The following DGKI variants were observed in gnomAD, a reference collection of about 807,000 sequenced individuals.
DGKI encodes the protein DAG kinase iota.
A neutral mutation model predicts 147.5 loss-of-function variants in DGKI; 55 were observed. That is an observed-to-expected ratio of 0.37 (90% CI 0.30 to 0.47). The LOEUF (loss-of-function observed/expected upper bound fraction) is 0.47, where lower values mean the gene tolerates loss of function less well. DGKI is among the 20% of genes least tolerant of loss of function. DGKI has a pLI of 1.00. For missense variants in DGKI, 1,007 were observed against 1,323.8 expected (o/e 0.76, Z 3.71); for synonymous variants, 469 against 477.1 (o/e 0.98, Z 0.22).
At chr7:137,480,772 G>A (rs1815344244) in intron 23 of DGKI, among the ~76,000 whole-genome samples, 1 of 152,106 alleles carries the variant, frequency 6.6e-6, no homozygotes, top group South Asian at 2.1e-4. Flanking sequence ...AACTACAGGT[G>A]AATCCTATGG....
chr7:137,589,652 T>A (rs2128984897), intron 12 of DGKI, among the ~76,000 whole-genome samples: 1 of 152,018 alleles, frequency 6.6e-6, no homozygotes, highest in African/African-American at 2.4e-5. Context: ...CAAGAAGGGG[T>A]CTTAAAGGCC....
intron 20 of DGKI, chr7:137,545,955 G>C (rs1380928384): frequency 2.8e-6 from 2 of 702,798 alleles, no homozygotes; most frequent in Admixed American, 2.0e-5. Context: ...GTTTGCACCT[G>C]ATGAATACTA....
chr7:137,730,488 C>T (rs1794844574), intron 1 of DGKI, among the ~76,000 whole-genome samples: 1 of 152,060 alleles, frequency 6.6e-6, no homozygotes, highest in Non-Finnish European at 1.5e-5. Context: ...ATTCCTGGAT[C>T]TTTGTAATGG....
Position 137,391,182 on chromosome 7 carries a change from A to T in DGKI, c.*38T>A. 6.7e-7 allele frequency: 1 copy of T among 1,493,684 alleles called. No individual in the cohort carries two copies. Among genetic ancestry groups the T allele is most frequent in the African/African-American group, 1.4e-5 (1 of 72,454 alleles). 92.5% of individuals were successfully genotyped at this position (1,493,684 alleles called of 1,614,324 possible). A position where few individuals can be genotyped will look rare whatever the true frequency, so the allele number is the denominator to read the frequency against. On this transcript the variant is annotated 3_prime_UTR_variant, in exon 33 of 33. Transcript: ENST00000614521. ...CCCAATTGCAGGGAGGGCAGATGTG[A>T]TACGCTTGCTCATGTCCTCTTTGCC... is the stretch of plus-strand genomic sequence containing the variant.
rs112529790 is a variant in DGKI, at chr7:137,759,696, T to C, written c.402-69694A>G. On this transcript the variant is annotated intron_variant, in intron 1 of 32. Transcript: ENST00000614521. Reference sequence around the variant, plus strand: ...AAGCAGCTATAGAAGTGGGTGGCAATAGAACAAGGGAAAAAGATTTCCAAG... The same window carrying C: ...AAGCAGCTATAGAAGTGGGTGGCAACAGAACAAGGGAAAAAGATTTCCAAG... Among the ~76,000 whole-genome samples the C allele has an allele frequency of 5.5e-3, 840 of 152,230 alleles. 21 individuals are homozygous for C. In the East Asian group the frequency reaches 0.066, roughly 12 times the overall value.
chr7:137,617,839 A>G (rs941250329), intron 8 of DGKI, among the ~76,000 whole-genome samples: 2 of 151,982 alleles, frequency 1.3e-5, no homozygotes, highest in Non-Finnish European at 2.9e-5. Context: ...GTGAATCTCA[A>G]AAGAAAAAGG....
At chr7:137,474,808 T>G (rs2128930855) in intron 23 of DGKI, among the ~76,000 whole-genome samples, 1 of 152,274 alleles carries the variant, frequency 6.6e-6, no homozygotes, top group East Asian at 1.9e-4. Flanking sequence ...GGCGGAAGGC[T>G]GATGGGAAGC....
rs574160557 is a variant in DGKI at position 137,834,975 on chromosome 7, A to T, written c.401+11487T>A. Among the ~76,000 whole-genome samples, 26 of 152,218 alleles carry T rather than the reference A, an allele frequency of 1.7e-4. No individual in the cohort carries two copies. In the South Asian group the frequency reaches 2.3e-3, roughly 13 times the overall value. On this transcript the variant is annotated intron_variant, in intron 1 of 32. Transcript: ENST00000614521. ...AGTATACGTCCTCCTCTGCACTCAG[A>T]TCCTTCTGATAAACTGAGCTCCATG...
intron 24 of DGKI, among the ~76,000 whole-genome samples, chr7:137,469,077 CG>C (rs1238875663): frequency 3.9e-5 from 6 of 152,090 alleles, no homozygotes; most frequent in African/African-American, 1.4e-4. Context: ...ATATATCATG[CG>C]GATCTGAGCA....
At position 137,493,533 on chromosome 7, in the gene DGKI, G is replaced by T. The variant is rs140968302; in HGVS notation, c.2249-5844C>A. Among the ~76,000 whole-genome samples, 163 of 152,256 alleles carry T rather than the reference G, an allele frequency of 1.1e-3. 1 individual carries two copies. The highest frequency in any genetic ancestry group is 3.7e-3 in the African/African-American group (152 of 41,534). On this transcript the variant is annotated intron_variant, in intron 21 of 32. Coordinates refer to ENST00000614521, the MANE Select transcript of DGKI (RefSeq NM_001321708.2). The stretch of plus-strand genomic sequence containing the variant: ...CCAAAATGAGCCCACCAGAGTTAAA[G>T]CACACAGCTCAGGAGTGTTGAGCTG...
intron 1 of DGKI, among the ~76,000 whole-genome samples, chr7:137,750,577 C>G (rs1028353781): frequency 6.6e-6 from 1 of 152,112 alleles, no homozygotes; most frequent in Non-Finnish European, 1.5e-5. Flanking sequence ...ACTCACCTTC[C>G]TCTCTCAAAA....
intron 30 of DGKI, 100 bp downstream of exon 30, chr7:137,407,775 C>A: frequency 6.8e-7 from 1 of 1,480,068 alleles, no homozygotes; most frequent in South Asian, 1.3e-5. Flanking sequence ...GTATTTCTGC[C>A]ATTCTGAAAA....
intron 27 of DGKI, among the ~76,000 whole-genome samples, chr7:137,456,096 A>G (rs1585131557): frequency 6.6e-6 from 1 of 152,110 alleles, no homozygotes. Context: ...TTGCCACTCT[A>G]CCTACCACTG....
intron 1 of DGKI, among the ~76,000 whole-genome samples, chr7:137,761,514 A>G (rs1795855558): frequency 6.6e-6 from 1 of 152,168 alleles, no homozygotes; most frequent in African/African-American, 2.4e-5. Flanking sequence ...ATCATTAATG[A>G]CTATTTTCTT....
intron 28 of DGKI, among the ~76,000 whole-genome samples, chr7:137,435,874 G>A (rs1460277357): frequency 6.6e-6 from 1 of 152,144 alleles, no homozygotes; most frequent in Non-Finnish European, 1.5e-5. Flanking sequence ...CTGCCTCCTG[G>A]GTTCAAATGC....
At chr7:137,811,570 C>T (rs1797582597) in intron 1 of DGKI, among the ~76,000 whole-genome samples, 1 of 152,178 alleles carries the variant, frequency 6.6e-6, no homozygotes, top group Non-Finnish European at 1.5e-5. Flanking sequence ...ACAGAAGTCT[C>T]TTGACATTGA....
rs1442773895 is a variant in DGKI at position 137,389,762 on chromosome 7, T to C, written c.*1458A>G. ...ATTCGATCCGTGGCAGGTTTAGATG[T>C]TACAATTCTAACTATCTGACAGACA... On this transcript the variant is annotated 3_prime_UTR_variant, in exon 33 of 33. Transcript: ENST00000614521. The C allele has an allele frequency of 6.6e-6, 1 of 152,164 alleles. No individual in the cohort carries two copies. Among genetic ancestry groups the C allele is most frequent in the Middle Eastern group, 3.2e-3 (1 of 316 alleles). The allele number at this position is 152,164 out of a possible 1,614,324, so 9.4% of individuals were successfully genotyped here.
chr7:137,635,687 C>CTGGCT (rs1315116662), intron 6 of DGKI, among the ~76,000 whole-genome samples: 7 of 152,200 alleles, frequency 4.6e-5, no homozygotes, highest in Admixed American at 4.6e-4. Flanking sequence ...AAATATAACA[C>CTGGCT]TGGCTTCAGC....
intron 1 of DGKI, among the ~76,000 whole-genome samples, chr7:137,790,631 T>C (rs1440937567): frequency 6.6e-6 from 1 of 152,192 alleles, no homozygotes; most frequent in Non-Finnish European, 1.5e-5. Flanking sequence ...TGAAATTTCT[T>C]TAAGCTCTAG....
Sources: allele counts gnomAD v4.1 joint callset (sites outside exome capture counted in the v4.1 genomes callset), GRCh38; gene constraint gnomAD v4.1.1; transcripts MANE v1.5; gene names NCBI Gene and HGNC (gene_info 2026-07-23, HGNC 2026-07-21).